PM20D2: variants seen among roughly 807,000 people sequenced by gnomAD.
PM20D2 encodes the protein peptidase M20 domain containing 2.
In PM20D2, 33 loss-of-function variants were observed where a neutral mutation model predicts 42.9. The ratio of observed to expected loss-of-function variants is 0.77; its 90% CI spans 0.58 to 1.03. PM20D2 has a LOEUF of 1.03. PM20D2 is among the 50% of genes least tolerant of loss of function. PM20D2 has a pLI of 0.00. For missense variants in PM20D2, 548 were observed against 557.0 expected, an observed-to-expected ratio of 0.98 and a Z score of 0.16; for synonymous variants, 250 against 228.2, an observed-to-expected ratio of 1.10 and a Z score of -0.86.
the PM20D2 span, among the ~76,000 whole-genome samples, chr6:89,102,703 T>C: frequency 4.0e-4 from 61 of 152,332 alleles, no homozygotes; most frequent in Non-Finnish European, 4.1e-4. Context: ...TTCCTTGATA[T>C]AAAGTTAACA....
At chr6:89,147,411 C>T (rs902172800) in intron 1 of PM20D2, among the ~76,000 whole-genome samples, 16 of 152,118 alleles carry the variant, frequency 1.1e-4, no homozygotes, top group Admixed American at 1.3e-4. Context: ...GTGTCAGTAA[C>T]CTTCCTCTTT....
chr6:89,127,331 C>CT, the PM20D2 span, among the ~76,000 whole-genome samples: 328 of 137,158 alleles, frequency 2.4e-3, 1 homozygote, highest in African/African-American at 6.4e-3. Flanking sequence ...CTGTGAAATG[C>CT]TTTTTTTTTT....
chr6:89,123,036 T>C, the PM20D2 span, among the ~76,000 whole-genome samples: 1 of 152,230 alleles, frequency 6.6e-6, no homozygotes, highest in Non-Finnish European at 1.5e-5. Context: ...AGGTCATTTG[T>C]GTGATAATAA....
At chr6:89,107,784 C>T in the PM20D2 span, among the ~76,000 whole-genome samples, 1 of 152,036 alleles carries the variant, frequency 6.6e-6, no homozygotes, top group East Asian at 1.9e-4. Context: ...ATTCTCAGAC[C>T]TCTCTTGGAG....
chr6:89,098,494 G>A, the PM20D2 span: 2 of 1,462,844 alleles, frequency 1.4e-6, no homozygotes, highest in African/African-American at 1.4e-5. Flanking sequence ...CGCATTTTCT[G>A]TATGCCTTAA....
the PM20D2 span, among the ~76,000 whole-genome samples, chr6:89,117,406 G>C: frequency 6.6e-6 from 1 of 152,234 alleles, no homozygotes; most frequent in South Asian, 2.1e-4. Flanking sequence ...CCATCTAGGA[G>C]GGTTGGATGC....
At chr6:89,145,676 C>A (rs1770505378), upstream of PM20D2, among the ~76,000 whole-genome samples, 1 of 152,196 alleles carries the variant, frequency 6.6e-6, no homozygotes, top group South Asian at 2.1e-4. Flanking sequence ...TGACGGCCTC[C>A]TTCAGGAAAT....
At chr6:89,142,304 T>A (rs967349265), upstream of PM20D2, among the ~76,000 whole-genome samples, 1 of 152,214 alleles carries the variant, frequency 6.6e-6, no homozygotes, top group Non-Finnish European at 1.5e-5. Flanking sequence ...GTTACGTGTT[T>A]GTTTCAGCTA....
chr6:89,104,391 C>A, the PM20D2 span, among the ~76,000 whole-genome samples: 32 of 151,928 alleles, frequency 2.1e-4, no homozygotes, highest in Non-Finnish European at 2.8e-4. Flanking sequence ...TGCGTGGCTA[C>A]CACACCCAGC....
rs1456780371 is a variant in PM20D2, at chr6:89,146,173, A to C, written c.29A>C (p.Glu10Ala). 14 of 1,525,098 alleles carry C rather than the reference A, an allele frequency of 9.2e-6. No individual in the cohort carries two copies. The highest frequency in any genetic ancestry group is 2.0e-4 in the Middle Eastern group (1 of 5,080). The allele number at this position is 1,525,098 out of a possible 1,614,324, so 94.5% of individuals were successfully genotyped here. A position where few individuals can be genotyped will look rare whatever the true frequency, so the allele number is the denominator to read the frequency against. Reference protein sequence around the residue: MRPGGERPVEGGACNGRSEL... With the variant: MRPGGERPVAGGACNGRSEL... ...AGGCCCGGAGGGGAGCGGCCCGTGG[A>C]AGGGGGCGCGTGCAATGGCCGCTCC... The change falls in exon 1 of 7, where the codon GAA becomes GCA. Residue 10 changes from glutamate to alanine, a missense_variant. Coordinates refer to ENST00000275072, the MANE Select transcript of PM20D2 (RefSeq NM_001010853.3).
chr6:89,137,628 C>T, the PM20D2 span, among the ~76,000 whole-genome samples: 1 of 152,184 alleles, frequency 6.6e-6, no homozygotes, highest in Non-Finnish European at 1.5e-5. Flanking sequence ...CTTAAACTTA[C>T]TTCACCTTCA....
chr6:89,122,287 C>G, the PM20D2 span, among the ~76,000 whole-genome samples: 2 of 152,202 alleles, frequency 1.3e-5, no homozygotes, highest in South Asian at 4.1e-4. Context: ...GCACAAACCT[C>G]TCAATATCAT....
At chr6:89,112,447 C>CT in the PM20D2 span, among the ~76,000 whole-genome samples, 1,097 of 128,814 alleles carry the variant, frequency 8.5e-3, 4 homozygotes, top group Non-Finnish European at 0.01. Context: ...TCTTTTCTTT[C>CT]TTTTTTTTTT....
Position 89,151,189 on chromosome 6 carries a change from G to T in PM20D2, c.614+1776G>T, listed in dbSNP as rs113052268. ...AAAAAAAAAAAGAGAACAAGATCAAGAATTCATTTTTTTTTAAATTACTAA... is the reference window on the plus strand; with the variant it reads ...AAAAAAAAAAAGAGAACAAGATCAATAATTCATTTTTTTTTAAATTACTAA... On this transcript the variant is annotated intron_variant, in intron 2 of 6. Coordinates refer to ENST00000275072, the MANE Select transcript of PM20D2 (RefSeq NM_001010853.3). 5.8e-3 allele frequency among the ~76,000 whole-genome samples: 846 copies of T among 144,736 alleles called. 12 individuals are homozygous for T. The highest frequency in any genetic ancestry group is 0.021 in the African/African-American group (817 of 39,286). The allele number at this position is 144,736 out of a possible 152,430, so 95.0% of individuals were successfully genotyped here. A position where few individuals can be genotyped will look rare whatever the true frequency, so the allele number is the denominator to read the frequency against.
chr6:89,141,196 C>G (rs1464910525), upstream of PM20D2, among the ~76,000 whole-genome samples: 2 of 152,102 alleles, frequency 1.3e-5, no homozygotes, highest in Non-Finnish European at 2.9e-5. Context: ...CATGGCTTTA[C>G]CATTCACTCA....
At position 89,163,959 on chromosome 6, in the gene PM20D2, T is replaced by C. The variant is rs752033346; in HGVS notation, c.*1696T>C. On this transcript the variant is annotated 3_prime_UTR_variant, in exon 7 of 7. Coordinates refer to ENST00000275072, the MANE Select transcript of PM20D2 (RefSeq NM_001010853.3). ...TAGTGGCAATTTTAAAAGCAGGCCTTAATATGGGACCTGCTTTTAAAGTAA... is the reference window on the plus strand; with the variant it reads ...TAGTGGCAATTTTAAAAGCAGGCCTCAATATGGGACCTGCTTTTAAAGTAA... 2.6e-5 allele frequency: 4 copies of C among 152,184 alleles called. No individual in the cohort carries two copies. Among genetic ancestry groups the C allele is most frequent in the Non-Finnish European group, 5.9e-5 (4 of 68,030 alleles). 9.4% of individuals were successfully genotyped at this position (152,184 alleles called of 1,614,324 possible). A position where few individuals can be genotyped will look rare whatever the true frequency, so the allele number is the denominator to read the frequency against.
chr6:89,105,093 G>C, the PM20D2 span: 4 of 1,550,910 alleles, frequency 2.6e-6, no homozygotes, highest in Non-Finnish European at 3.5e-6. Context: ...AGTAGAAAAT[G>C]AAATTTTCAG....
chr6:89,105,704 C>T, the PM20D2 span: 2 of 428,134 alleles, frequency 4.7e-6, no homozygotes, highest in Non-Finnish European at 8.2e-6. Context: ...CTCATGAAAA[C>T]AAATGACCCA....
At chr6:89,153,458 T>C (rs2127777952) in intron 3 of PM20D2, among the ~76,000 whole-genome samples, 1 of 152,288 alleles carries the variant, frequency 6.6e-6, no homozygotes, top group Admixed American at 6.5e-5. Context: ...CTGTGTTCTT[T>C]CGGTGGGTGT....
Sources: allele counts gnomAD v4.1 joint callset (sites outside exome capture counted in the v4.1 genomes callset), GRCh38; gene constraint gnomAD v4.1.1; transcripts MANE v1.5; gene names NCBI Gene and HGNC (gene_info 2026-07-23, HGNC 2026-07-21).